The following EHBP1 variants were observed in gnomAD, a reference collection of about 807,000 sequenced individuals.
The protein encoded by EHBP1 is EH domain binding protein 1.
Under a neutral mutation model 144.0 loss-of-function variants are expected in EHBP1, and 55 were observed. The ratio of observed to expected loss-of-function variants is 0.38; its 90% CI spans 0.31 to 0.48. EHBP1 has a LOEUF of 0.48. Among genes scored for constraint, EHBP1 ranks in the 20% least tolerant of loss-of-function variants. EHBP1 has a pLI of 0.98. For missense variants in EHBP1, 1,200 were observed against 1,364.2 expected, an observed-to-expected ratio of 0.88 and a Z score of 1.90; for synonymous variants, 469 against 472.7, an observed-to-expected ratio of 0.99 and a Z score of 0.10.
chr2:62,895,436 C>T (rs1038438931), intron 10 of EHBP1, among the ~76,000 whole-genome samples: 2 of 152,114 alleles, frequency 1.3e-5, no homozygotes, highest in African/African-American at 4.8e-5. Flanking sequence ...TGTTGCCTTC[C>T]CTGTCTTCAG....
At chr2:62,748,903 T>C (rs1468183880) in intron 3 of EHBP1, among the ~76,000 whole-genome samples, 2 of 152,184 alleles carry the variant, frequency 1.3e-5, no homozygotes, top group Non-Finnish European at 2.9e-5. Flanking sequence ...CTTAATTTTA[T>C]AATTCAGTAA....
Position 62,773,850 on chromosome 2 carries a change from C to CAAAAAAA in EHBP1, c.312+2487_312+2493dup, listed in dbSNP as rs570715468. On this transcript the variant is annotated intron_variant, in intron 5 of 22. Coordinates refer to ENST00000431489, the MANE Select transcript of EHBP1 (RefSeq NM_001142616.3). Reference sequence around the variant, plus strand: ...TAGGTGATACAGCAAGACTCCATCTCAAAAAAAAAAAAAAAAAAAAAAAAA... The same window carrying CAAAAAAA: ...TAGGTGATACAGCAAGACTCCATCTCAAAAAAAAAAAAAAAAAAAAAAAAAAAAAAAA... Among the ~76,000 whole-genome samples, 189 of 41,526 alleles carry CAAAAAAA rather than the reference C, an allele frequency of 4.6e-3. 7 individuals carry two copies. Among genetic ancestry groups the CAAAAAAA allele is most frequent in the Non-Finnish European group, 5.6e-3 (135 of 24,250 alleles). 27.2% of individuals were successfully genotyped at this position (41,526 alleles called of 152,430 possible). A position where few individuals can be genotyped will look rare whatever the true frequency, so the allele number is the denominator to read the frequency against.
At chr2:62,747,553 G>GT (rs1185383705) in intron 3 of EHBP1, 101 bp downstream of exon 3, 9,047 of 849,366 alleles carry the variant, frequency 0.011, no homozygotes, top group Middle Eastern at 0.015. Context: ...TTGATGTTTT[G>GT]TTTTTTTTTC....
At chr2:62,739,935 GAAA>G (rs66665657) in intron 2 of EHBP1, among the ~76,000 whole-genome samples, 1 of 97,118 alleles carries the variant, frequency 1.0e-5, no homozygotes, top group Non-Finnish European at 2.1e-5. Flanking sequence ...GCCTGTCTCA[GAAA>G]AAAAAAAAAA....
intron 3 of EHBP1, among the ~76,000 whole-genome samples, chr2:62,756,861 A>G (rs1277045999): frequency 6.6e-6 from 1 of 152,002 alleles, no homozygotes; most frequent in East Asian, 1.9e-4. Flanking sequence ...TCCAGAAACT[A>G]TGAAGGAAAT....
At chr2:62,893,763 G>T (rs561166154) in intron 10 of EHBP1, among the ~76,000 whole-genome samples, 6 of 152,102 alleles carry the variant, frequency 3.9e-5, no homozygotes, top group Non-Finnish European at 8.8e-5. Context: ...ATGTATTAAG[G>T]CTGGGCATGG....
chr2:62,917,479 C>A (rs1334318304), intron 10 of EHBP1, among the ~76,000 whole-genome samples: 1 of 152,012 alleles, frequency 6.6e-6, no homozygotes, highest in Non-Finnish European at 1.5e-5. Context: ...TGTGCGCACA[C>A]ACACATTTTA....
chr2:62,963,006 G>T (rs1018560848), intron 14 of EHBP1, among the ~76,000 whole-genome samples: 1 of 152,190 alleles, frequency 6.6e-6, no homozygotes, highest in Admixed American at 6.5e-5. Flanking sequence ...CAGGTTAGCA[G>T]CAAGTCCTGG....
intron 15 of EHBP1, among the ~76,000 whole-genome samples, chr2:62,985,389 T>C (rs2059142022): frequency 6.6e-6 from 1 of 152,202 alleles, no homozygotes; most frequent in Non-Finnish European, 1.5e-5. Flanking sequence ...TCAGTACTTA[T>C]ATTACTACTA....
chr2:62,820,740 ATATATAT>A (rs2045907718), intron 5 of EHBP1, among the ~76,000 whole-genome samples: 10 of 33,482 alleles, frequency 3.0e-4, no homozygotes, highest in East Asian at 2.5e-3. Flanking sequence ...TGTGTATAAT[ATATATAT>A]ATATATATAT....
chr2:62,853,398 T>A (rs1387915072), intron 7 of EHBP1, among the ~76,000 whole-genome samples: 2 of 152,250 alleles, frequency 1.3e-5, no homozygotes, highest in Non-Finnish European at 2.9e-5. Context: ...GGTTTTATCA[T>A]GAGATTGCAG....
At chr2:62,774,220 A>G (rs899956268) in intron 5 of EHBP1, among the ~76,000 whole-genome samples, 5 of 152,052 alleles carry the variant, frequency 3.3e-5, no homozygotes, top group African/African-American at 1.2e-4. Context: ...AAAATACAAA[A>G]ATTAGCCAGG....
In EHBP1 at chr2:62,741,685, C is replaced by T. The variant is rs147222148; in HGVS notation, c.105-5710C>T. Among the ~76,000 whole-genome samples the T allele has an allele frequency of 2.0e-3, 301 of 152,154 alleles. 1 individual carries two copies. The highest frequency in any genetic ancestry group is 6.8e-3 in the African/African-American group (281 of 41,504). On this transcript the variant is annotated intron_variant, in intron 2 of 22. Coordinates refer to ENST00000431489, the MANE Select transcript of EHBP1 (RefSeq NM_001142616.3). Reference sequence around the variant, plus strand: ...GTCACTTAGTATGAGAGCTAATTCCCGGTCTAGAATTCTCTTCTGCATACA... The same window carrying T: ...GTCACTTAGTATGAGAGCTAATTCCTGGTCTAGAATTCTCTTCTGCATACA...
chr2:62,790,324 G>C (rs2043089782), intron 5 of EHBP1, among the ~76,000 whole-genome samples: 1 of 152,140 alleles, frequency 6.6e-6, no homozygotes, highest in Non-Finnish European at 1.5e-5. Context: ...TTTAAATAAT[G>C]TGTGGGTGGT....
intron 14 of EHBP1, among the ~76,000 whole-genome samples, chr2:62,978,012 A>C (rs1299764558): frequency 6.6e-6 from 1 of 152,094 alleles, no homozygotes; most frequent in South Asian, 2.1e-4. Context: ...TGATACAAAC[A>C]ATTCTGTATG....
chr2:63,038,535 A>G (rs2061535515), intron 20 of EHBP1, among the ~76,000 whole-genome samples: 1 of 152,200 alleles, frequency 6.6e-6, no homozygotes. Flanking sequence ...ATACCTATGT[A>G]ACATTCAGAA....
intron 1 of EHBP1, among the ~76,000 whole-genome samples, chr2:62,681,670 T>A (rs894610459): frequency 4.6e-5 from 7 of 152,074 alleles, no homozygotes; most frequent in Admixed American, 3.9e-4. Context: ...TTTTCCCCCC[T>A]GTTTTTTAGT....
chr2:62,703,464 T>A (rs568856690), upstream of EHBP1, among the ~76,000 whole-genome samples: 8 of 152,354 alleles, frequency 5.3e-5, no homozygotes, highest in African/African-American at 1.9e-4. Flanking sequence ...GGTTGTTTTT[T>A]AAAATGTTAT....
At chr2:62,803,658 G>A (rs555204562) in intron 5 of EHBP1, among the ~76,000 whole-genome samples, 7 of 152,158 alleles carry the variant, frequency 4.6e-5, no homozygotes, top group South Asian at 2.1e-4. Flanking sequence ...TGCATTTTTC[G>A]TACTTATTTA....
Sources: gnomAD v4.1 joint callset for allele counts (sites outside exome capture counted in the v4.1 genomes callset) on GRCh38, gnomAD v4.1.1 for gene constraint, MANE v1.5 for transcripts, NCBI Gene and HGNC (gene_info 2026-07-23, HGNC 2026-07-21) for gene names.